The following MYO5B variants were observed in gnomAD, a reference collection of about 807,000 sequenced individuals.
The protein encoded by MYO5B is myosin VB.
A neutral mutation model predicts 229.3 loss-of-function variants in MYO5B; 143 were observed. The observed-to-expected ratio is 0.62, with a 90% CI of 0.54 to 0.72. MYO5B has a LOEUF of 0.72. MYO5B is among the 30% of genes least tolerant of loss of function. The probability of loss-of-function intolerance (pLI) is 0.00; values close to 1 mark genes in which losing one functional copy is unlikely to be tolerated. For missense variants in MYO5B, 2,321 were observed against 2,331.0 expected (o/e 1.00, Z 0.09); for synonymous variants, 918 against 885.2 (o/e 1.04, Z -0.66).
chr18:49,995,605 T>G (rs2025979595), intron 5 of MYO5B, among the ~76,000 whole-genome samples: 1 of 152,128 alleles, frequency 6.6e-6, no homozygotes, highest in Non-Finnish European at 1.5e-5. Flanking sequence ...ACCAACTAAT[T>G]ACTATGAAAC....
chr18:50,152,928 T>TTCCTATATA (rs1423835331), intron 1 of MYO5B, among the ~76,000 whole-genome samples: 1 of 150,678 alleles, frequency 6.6e-6, no homozygotes, highest in African/African-American at 2.4e-5. Context: ...CATATATTGG[T>TTCCTATATA]GAATTCTATA....
Position 49,826,441 on chromosome 18 carries a change from G to A in MYO5B, c.*30C>T. 2 of 1,612,436 alleles carry A rather than the reference G, an allele frequency of 1.2e-6. No homozygotes were observed. Among genetic ancestry groups the A allele is most frequent in the Non-Finnish European group, 1.7e-6 (2 of 1,178,810 alleles). ...TATACTTCCTTCTTGCTCACATTGG[G>A]AATCAAACTAATGCTGGAAACATGC... is the stretch of plus-strand genomic sequence containing the variant. On this transcript the variant is annotated 3_prime_UTR_variant, in exon 40 of 40. Transcript: ENST00000285039.
intron 1 of MYO5B, among the ~76,000 whole-genome samples, chr18:50,176,022 C>T (rs1026532184): frequency 5.3e-5 from 8 of 152,224 alleles, no homozygotes; most frequent in Admixed American, 1.3e-4. Context: ...GACTATAAGT[C>T]CTGGATCCCC....
chr18:49,893,155 G>A (rs2024734782), intron 22 of MYO5B, among the ~76,000 whole-genome samples: 1 of 152,216 alleles, frequency 6.6e-6, no homozygotes, highest in South Asian at 2.1e-4. Flanking sequence ...GCAGGAAGCA[G>A]GGACGCGGGG....
At chr18:49,891,883 C>T (rs1568020146) in intron 22 of MYO5B, among the ~76,000 whole-genome samples, 1 of 152,332 alleles carries the variant, frequency 6.6e-6, no homozygotes, top group South Asian at 2.1e-4. Flanking sequence ...CCCACTAGTC[C>T]GAATGTTCAG....
intron 1 of MYO5B, among the ~76,000 whole-genome samples, chr18:50,160,781 GA>G (rs1599067753): frequency 6.6e-6 from 1 of 151,980 alleles, no homozygotes; most frequent in Admixed American, 6.6e-5. Context: ...TAGCCCAAAG[GA>G]AATCCTCAGC....
intron 10 of MYO5B, 132 bp downstream of exon 10, chr18:49,974,218 T>C (rs745529743): frequency 3.0e-6 from 4 of 1,319,728 alleles, no homozygotes; most frequent in East Asian, 2.4e-5. Flanking sequence ...CAACTAAAAA[T>C]GGCCCCACAC....
At chr18:50,062,045 TCA>T (rs1435942476) in intron 1 of MYO5B, among the ~76,000 whole-genome samples, 1 of 152,162 alleles carries the variant, frequency 6.6e-6, no homozygotes, top group Non-Finnish European at 1.5e-5. Flanking sequence ...AGAAAAGATC[TCA>T]GTCTCTAAGT....
intron 1 of MYO5B, among the ~76,000 whole-genome samples, chr18:50,144,099 G>C (rs1214921777): frequency 6.6e-6 from 1 of 152,154 alleles, no homozygotes; most frequent in Non-Finnish European, 1.5e-5. Flanking sequence ...AGAACACAGA[G>C]ACCAGAGGAT....
chr18:49,994,779 G>A (rs902889283), intron 5 of MYO5B, among the ~76,000 whole-genome samples: 2 of 152,150 alleles, frequency 1.3e-5, no homozygotes, highest in Non-Finnish European at 2.9e-5. Flanking sequence ...AGCCTTTAAG[G>A]CCCCACAGGA....
chr18:49,875,598 G>A, intron 26 of MYO5B, 89 bp downstream of exon 26: 1 of 1,555,368 alleles, frequency 6.4e-7, no homozygotes, highest in East Asian at 2.2e-5. Context: ...AATCCCATGT[G>A]GTCACACATG....
intron 1 of MYO5B, among the ~76,000 whole-genome samples, chr18:50,167,873 G>A (rs1331488531): frequency 6.6e-6 from 1 of 152,108 alleles, no homozygotes; most frequent in Non-Finnish European, 1.5e-5. Context: ...CACGGGTAAG[G>A]CAAAAACACT....
At chr18:50,164,237 A>T (rs2032811306) in intron 1 of MYO5B, among the ~76,000 whole-genome samples, 2 of 152,192 alleles carry the variant, frequency 1.3e-5, no homozygotes, top group South Asian at 4.2e-4. Context: ...AGTGATCTTT[A>T]TGTAGTAGTG....
At chr18:49,847,549 A>T (rs2024145948) in intron 32 of MYO5B, among the ~76,000 whole-genome samples, 1 of 152,198 alleles carries the variant, frequency 6.6e-6, no homozygotes, top group African/African-American at 2.4e-5. Context: ...CACTCTGGAT[A>T]GGGGAGAGGA....
chr18:50,118,224 A>G lies in MYO5B; in HGVS notation c.28-62846T>C, dbSNP rs184359206. Among the ~76,000 whole-genome samples the G allele has an allele frequency of 1.6e-3, 245 of 152,298 alleles. 1 individual carries two copies. Among genetic ancestry groups the G allele is most frequent in the Non-Finnish European group, 3.1e-3 (211 of 68,022 alleles). On this transcript the variant is annotated intron_variant, in intron 1 of 39. Coordinates refer to ENST00000285039, the MANE Select transcript of MYO5B (RefSeq NM_001080467.3). ...CCCAGAACTTCCCTGGCTCAGCAAC[A>G]AAAGGCTGGCAAACTAGGATGGTTG...
chr18:50,153,778 T>C (rs768360684), intron 1 of MYO5B, among the ~76,000 whole-genome samples: 13 of 152,120 alleles, frequency 8.5e-5, no homozygotes, highest in Non-Finnish European at 1.9e-4. Context: ...TAAAATCAAC[T>C]CTACCCTTGA....
chr18:49,974,601 G>A lies in MYO5B; in HGVS notation c.1071C>T (p.Tyr357=). Reference sequence around the variant, plus strand: ...CTAGCAGTCGGCAGAAGTTGCTTAGGTATACATCCTGGGGCTGTGGGAGAT... The same window carrying A: ...CTAGCAGTCGGCAGAAGTTGCTTAGATATACATCCTGGGGCTGTGGGAGAT... The part of the protein sequence containing the change: ...DSCSISPQDV[Y]LSNFCRLLGV... Residue 357 remains tyrosine, a synonymous_variant, in exon 10 of 40, where the codon TAC becomes TAT. Coordinates refer to ENST00000285039, the MANE Select transcript of MYO5B (RefSeq NM_001080467.3). The A allele has an allele frequency of 6.2e-7, 1 of 1,613,896 alleles. No individual in the cohort carries two copies. The highest frequency in any genetic ancestry group is 8.5e-7 in the Non-Finnish European group (1 of 1,179,922).
At chr18:49,994,446 T>A (rs1470968726) in intron 5 of MYO5B, among the ~76,000 whole-genome samples, 1 of 152,268 alleles carries the variant, frequency 6.6e-6, no homozygotes, top group East Asian at 1.9e-4. Context: ...TATACACTTT[T>A]ACTTTAGGGT....
intron 1 of MYO5B, among the ~76,000 whole-genome samples, chr18:50,155,880 T>C (rs1215281846): frequency 2.6e-5 from 4 of 152,146 alleles, no homozygotes; most frequent in African/African-American, 7.2e-5. Flanking sequence ...ATAAGTTTGG[T>C]TTTCAAAAGT....
Sources: gnomAD v4.1 joint callset for allele counts (sites outside exome capture counted in the v4.1 genomes callset) on GRCh38, gnomAD v4.1.1 for gene constraint, MANE v1.5 for transcripts, NCBI Gene and HGNC (gene_info 2026-07-23, HGNC 2026-07-21) for gene names.